APCDD1: variants seen among roughly 807,000 people sequenced by gnomAD.
The protein encoded by APCDD1 is APC down-regulated 1.
APCDD1 carries 15 observed loss-of-function variants against 38.1 expected under a neutral mutation model. The ratio of observed to expected loss-of-function variants is 0.39; its 90% CI spans 0.26 to 0.61. The LOEUF is 0.61. APCDD1 is among the 20% of genes least tolerant of loss of function. APCDD1 has a pLI of 0.49. For missense variants in APCDD1, 647 were observed against 696.2 expected (o/e 0.93, Z 0.79); for synonymous variants, 261 against 279.7 (o/e 0.93, Z 0.67).
chr18:10,485,489 C>G lies in APCDD1; in HGVS notation c.802C>G (p.Arg268Gly), dbSNP rs755440394. ...KNHDHACIAC[R>G]IIYRSDEHHP... ...CCACGACCATGCCTGCATCGCCTGT[C>G]GGATCATCTATCGGTCAGACGAGCA... The change falls in exon 4 of 5, where the codon CGG becomes GGG. Residue 268 changes from arginine (R) to glycine (G), a missense_variant. Arg to Gly is a moderately radical substitution (Grantham distance 125). Transcript: ENST00000355285. The surrounding 1 kb of genome is among the most constrained non-coding windows in gnomAD (Gnocchi z 5.8). The G allele has an allele frequency of 2.3e-5, 37 of 1,614,128 alleles. No homozygotes were observed. The East Asian group carries it at 7.8e-4, about 34-fold the overall frequency.
chr18:10,471,755 A>G lies in APCDD1; in HGVS notation c.468A>G (p.Thr156=), dbSNP rs541503972. The change falls in exon 3 of 5, where the codon ACA becomes ACG. Residue 156 remains threonine (T), a synonymous_variant. Coordinates refer to ENST00000355285, the MANE Select transcript of APCDD1 (RefSeq NM_153000.5). This position sits in a 1 kb window ranked among gnomAD's most constrained non-coding sequence, Gnocchi z 5.5. ...ACAACGTCCAGGTGATCTGCCACACAGAGGCGGTGGCCGAGAAGCTCGGCC... is the reference window on the plus strand; with the variant it reads ...ACAACGTCCAGGTGATCTGCCACACGGAGGCGGTGGCCGAGAAGCTCGGCC... ...QLHNVQVICH[T]EAVAEKLGQQ... 9.9e-6 allele frequency: 16 copies of G among 1,613,634 alleles called. No individual in the cohort carries two copies. The Admixed American group carries it at 2.0e-4, about 20-fold the overall frequency.
rs1197285626 is a variant in APCDD1, at chr18:10,475,794, G to C, written c.774+3733G>C. ...CCTAGCTGCCTCGCAAGATGGCTGA[G>C]GGGGGGGGGGGTCAGTGGAAGGCCG... On this transcript the variant is annotated intron_variant, in intron 3 of 4. Transcript: ENST00000355285. The surrounding 1 kb of genome is among the most constrained non-coding windows in gnomAD (Gnocchi z 4.0). 1.5e-4 allele frequency: 9 copies of C among 59,268 alleles called. No homozygotes were observed. Among genetic ancestry groups the C allele is most frequent in the Non-Finnish European group, 2.8e-4 (9 of 32,246 alleles). The allele number at this position is 59,268 out of a possible 1,614,324, so 3.7% of individuals were successfully genotyped here. A position where few individuals can be genotyped will look rare whatever the true frequency, so the allele number is the denominator to read the frequency against.
Position 10,469,858 on chromosome 18 carries a change from C to T in APCDD1, c.242+1206C>T, listed in dbSNP as rs769000315. On this transcript the variant is annotated intron_variant, in intron 2 of 4. Transcript: ENST00000355285. The surrounding 1 kb of genome is among the most constrained non-coding windows in gnomAD (Gnocchi z 5.5). ...TTGGAGGACCTGCTGGCTGAGAACC[C>T]TGTGGCTGGGATGCAGTAAACCAGG... is the stretch of plus-strand genomic sequence containing the variant. 3.3e-5 allele frequency among the ~76,000 whole-genome samples: 5 copies of T among 152,166 alleles called. No homozygotes were observed. Among genetic ancestry groups the T allele is most frequent in the Non-Finnish European group, 5.9e-5 (4 of 68,038 alleles).
At chr18:10,457,939 C>T (rs145060857) in intron 1 of APCDD1, among the ~76,000 whole-genome samples, 1 of 152,308 alleles carries the variant, frequency 6.6e-6, no homozygotes, top group African/African-American at 2.4e-5. Context: ...TTACTTTCCT[C>T]CTCTTCAAAT....
chr18:10,482,157 A>G (rs918606385), intron 3 of APCDD1, among the ~76,000 whole-genome samples: 2 of 149,648 alleles, frequency 1.3e-5, no homozygotes. Context: ...TCCCACCCCC[A>G]CCTTAGAAGC....
intron 3 of APCDD1, among the ~76,000 whole-genome samples, chr18:10,483,372 C>T (rs976104499): frequency 6.6e-6 from 1 of 152,218 alleles, no homozygotes; most frequent in African/African-American, 2.4e-5. Flanking sequence ...AGCTTGGGGA[C>T]GCCCAGGACT....
chr18:10,484,244 G>A (rs539594425), intron 3 of APCDD1, among the ~76,000 whole-genome samples: 42 of 152,224 alleles, frequency 2.8e-4, no homozygotes, highest in Non-Finnish European at 4.7e-4. Context: ...GGCAGTGTGC[G>A]CGTGTGCTTG....
intron 1 of APCDD1, 146 bp from the exon 2 acceptor site, chr18:10,468,323 C>A: frequency 1.1e-6 from 1 of 870,854 alleles, no homozygotes; most frequent in Non-Finnish European, 1.9e-6. Flanking sequence ...GCATCATACA[C>A]GAGAGCACGC....
At chr18:10,455,830 G>A (rs2030366850) in intron 1 of APCDD1, among the ~76,000 whole-genome samples, 1 of 152,150 alleles carries the variant, frequency 6.6e-6, no homozygotes, top group Non-Finnish European at 1.5e-5. Flanking sequence ...TTTCTTTGGG[G>A]TGGACAAGGC....
chr18:10,463,781 A>C (rs1423002268), intron 1 of APCDD1, among the ~76,000 whole-genome samples: 1 of 152,200 alleles, frequency 6.6e-6, no homozygotes, highest in Non-Finnish European at 1.5e-5. Flanking sequence ...AGAGTAATGA[A>C]GATGTTGGGT....
intron 3 of APCDD1, among the ~76,000 whole-genome samples, chr18:10,482,184 G>T (rs538103194): frequency 1.3e-5 from 2 of 152,136 alleles, no homozygotes; most frequent in African/African-American, 4.8e-5. Context: ...AGCTCTTCCT[G>T]AATTGATCCT....
At chr18:10,473,070 T>G (rs983458167) in intron 3 of APCDD1, among the ~76,000 whole-genome samples, 1 of 152,238 alleles carries the variant, frequency 6.6e-6, no homozygotes, top group African/African-American at 2.4e-5. Flanking sequence ...TCTGTAACTG[T>G]GGAGCCCTGC....
At chr18:10,486,614 C>T (rs1194723487) in intron 4 of APCDD1, among the ~76,000 whole-genome samples, 1 of 152,122 alleles carries the variant, frequency 6.6e-6, no homozygotes, top group Non-Finnish European at 1.5e-5. Flanking sequence ...GTGTCCTTAT[C>T]ACTAAACGAG....
At chr18:10,458,758 C>T (rs1005064731) in intron 1 of APCDD1, among the ~76,000 whole-genome samples, 1 of 152,096 alleles carries the variant, frequency 6.6e-6, no homozygotes, top group Non-Finnish European at 1.5e-5. Context: ...ACATTTCAGA[C>T]CAGAAATAGA....
chr18:10,473,508 G>C (rs476792), intron 3 of APCDD1, among the ~76,000 whole-genome samples: 1 of 152,152 alleles, frequency 6.6e-6, no homozygotes, highest in Non-Finnish European at 1.5e-5. Flanking sequence ...GGCAGAGAGG[G>C]AGGGCAGCCT....
chr18:10,454,877 T>C lies in APCDD1; in HGVS notation c.-105T>C. 2.2e-5 allele frequency: 27 copies of C among 1,243,460 alleles called. No homozygotes were observed. Among genetic ancestry groups the C allele is most frequent in the Non-Finnish European group, 2.7e-5 (27 of 985,642 alleles). 77.0% of individuals were successfully genotyped at this position (1,243,460 alleles called of 1,614,324 possible). ...GCGGCAGCCGCCTGAAGCCCCGGCC[T>C]GGCCCGGCCGCACCCGGCCGGAGGC... On this transcript the variant is annotated 5_prime_UTR_variant, in exon 1 of 5. Coordinates refer to ENST00000355285, the MANE Select transcript of APCDD1 (RefSeq NM_153000.5).
chr18:10,481,336 T>C (rs1444896160), intron 3 of APCDD1, among the ~76,000 whole-genome samples: 1 of 152,150 alleles, frequency 6.6e-6, no homozygotes, highest in Non-Finnish European at 1.5e-5. Context: ...TGTGGAATAG[T>C]CATACAATGA....
At chr18:10,487,244 C>G (rs2031267595) in intron 4 of APCDD1, among the ~76,000 whole-genome samples, 2 of 152,226 alleles carry the variant, frequency 1.3e-5, no homozygotes, top group African/African-American at 4.8e-5. Context: ...GAGTCAGCAT[C>G]ACCAAATAAA....
intron 1 of APCDD1, among the ~76,000 whole-genome samples, chr18:10,457,098 T>C (rs559024814): frequency 1.3e-5 from 2 of 152,228 alleles, no homozygotes; most frequent in Non-Finnish European, 2.9e-5. Context: ...GGCACAATTA[T>C]TAAAACTAAT....
Sources: gnomAD v4.1 joint callset for allele counts (sites outside exome capture counted in the v4.1 genomes callset) on GRCh38, gnomAD v4.1.1 for gene constraint, Gnocchi (gnomAD v3.1) non-coding constraint, MANE v1.5 for transcripts, NCBI Gene and HGNC (gene_info 2026-07-23, HGNC 2026-07-21) for gene names.